Variants in HEMK2 observed in about 807,000 individuals in gnomAD.
The protein encoded by HEMK2 is methyltransferase HEMK2.
the HEMK2 span, among the ~76,000 whole-genome samples, chr21:28,636,665 T>A: frequency 6.6e-6 from 1 of 152,154 alleles, no homozygotes; most frequent in African/African-American, 2.4e-5. Context: ...AAGGAGTACT[T>A]TTTTGTCCGG....
the HEMK2 span, among the ~76,000 whole-genome samples, chr21:28,723,635 G>A: frequency 0.025 from 3,876 of 152,170 alleles, 141 homozygotes; most frequent in African/African-American, 0.088. Flanking sequence ...TTAAGACGTT[G>A]GCCACATTAC....
chr21:28,591,037 T>C, the HEMK2 span, among the ~76,000 whole-genome samples: 3 of 152,190 alleles, frequency 2.0e-5, no homozygotes, highest in African/African-American at 4.8e-5. Context: ...TCCTGCTGAT[T>C]GCAGGGAAGC....
chr21:28,604,413 AAAAAAAG>A, the HEMK2 span, among the ~76,000 whole-genome samples: 1 of 152,096 alleles, frequency 6.6e-6, no homozygotes, highest in Non-Finnish European at 1.5e-5. Context: ...AAAGTATAAT[AAAAAAAG>A]AAAAGAGGAC....
chr21:28,793,588 G>A, the HEMK2 span, among the ~76,000 whole-genome samples: 29,233 of 152,130 alleles, frequency 0.19, 3,215 homozygotes, highest in East Asian at 0.41. Context: ...TAAAACCTTA[G>A]AGGATGCTGT....
At chr21:28,877,452 CAGAA>C in the HEMK2 span, among the ~76,000 whole-genome samples, 1 of 129,892 alleles carries the variant, frequency 7.7e-6, no homozygotes, top group Non-Finnish European at 1.6e-5. Flanking sequence ...GACAGATGGA[CAGAA>C]GGAAGGAAAA....
chr21:28,622,813 C>T, the HEMK2 span, among the ~76,000 whole-genome samples: 2 of 152,124 alleles, frequency 1.3e-5, no homozygotes, highest in Non-Finnish European at 2.9e-5. Flanking sequence ...CCCTTCTTTA[C>T]ACCTTATACA....
At chr21:28,755,489 T>A in the HEMK2 span, among the ~76,000 whole-genome samples, 2 of 152,222 alleles carry the variant, frequency 1.3e-5, no homozygotes, top group Non-Finnish European at 2.9e-5. Context: ...CAACTTATGT[T>A]TCTACCATAG....
the HEMK2 span, among the ~76,000 whole-genome samples, chr21:28,579,958 A>G: frequency 6.6e-6 from 1 of 152,340 alleles, no homozygotes; most frequent in Non-Finnish European, 1.5e-5. Context: ...TTTGACTGAC[A>G]AAGCATAAAA....
the HEMK2 span, among the ~76,000 whole-genome samples, chr21:28,583,203 A>G: frequency 2.6e-5 from 4 of 152,244 alleles, no homozygotes; most frequent in Non-Finnish European, 4.4e-5. Flanking sequence ...TATGAAAGAG[A>G]TATTTTAATG....
At chr21:28,845,272 T>C in the HEMK2 span, among the ~76,000 whole-genome samples, 536 of 152,248 alleles carry the variant, frequency 3.5e-3, 5 homozygotes, top group African/African-American at 0.012. Flanking sequence ...AACTCATCTA[T>C]ACTGGCTTCT....
At chr21:28,797,352 T>C in the HEMK2 span, among the ~76,000 whole-genome samples, 1 of 151,734 alleles carries the variant, frequency 6.6e-6, no homozygotes, top group Non-Finnish European at 1.5e-5. Context: ...TCCCAGAACT[T>C]TGGGAGGCTA....
chr21:28,576,835 C>T, the HEMK2 span, among the ~76,000 whole-genome samples: 4 of 152,214 alleles, frequency 2.6e-5, no homozygotes, highest in South Asian at 2.1e-4. Context: ...CTCCACCTCT[C>T]GAGTAGCTGG....
chr21:28,749,637 G>A, the HEMK2 span, among the ~76,000 whole-genome samples: 6 of 152,176 alleles, frequency 3.9e-5, no homozygotes, highest in East Asian at 1.9e-4. Flanking sequence ...GAACTTGATC[G>A]TCAGAGTATG....
the HEMK2 span, among the ~76,000 whole-genome samples, chr21:28,601,261 C>T: frequency 3.3e-5 from 5 of 152,164 alleles, no homozygotes; most frequent in Non-Finnish European, 5.9e-5. Context: ...CGCAAACCTC[C>T]AAATCTGCCA....
the HEMK2 span, among the ~76,000 whole-genome samples, chr21:28,613,619 C>CT: frequency 1.8e-3 from 146 of 82,702 alleles, 34 homozygotes; most frequent in East Asian, 0.012. Flanking sequence ...TCTGCATATT[C>CT]TTTTTTTTTT....
At chr21:28,755,868 CT>C in the HEMK2 span, among the ~76,000 whole-genome samples, 1 of 152,112 alleles carries the variant, frequency 6.6e-6, no homozygotes, top group Non-Finnish European at 1.5e-5. Flanking sequence ...ACCCAGATGC[CT>C]ATATGCATAT....
the HEMK2 span, among the ~76,000 whole-genome samples, chr21:28,793,700 T>C: frequency 6.6e-6 from 1 of 152,132 alleles, no homozygotes; most frequent in African/African-American, 2.4e-5. Context: ...ATATCATTAT[T>C]ATGTTATGTT....
chr21:28,601,603 C>CCT, the HEMK2 span, among the ~76,000 whole-genome samples: 1 of 97,444 alleles, frequency 1.0e-5, no homozygotes, highest in Admixed American at 1.1e-4. Flanking sequence ...CACCTTCTGA[C>CCT]ATCTCTCTCT....
the HEMK2 span, among the ~76,000 whole-genome samples, chr21:28,791,927 C>G: frequency 6.6e-6 from 1 of 151,980 alleles, no homozygotes; most frequent in Admixed American, 6.6e-5. Context: ...TGCTGATAAA[C>G]CAGGATGCAG....
Sources: gnomAD v4.1 joint callset for allele counts (sites outside exome capture counted in the v4.1 genomes callset) on GRCh38, gnomAD v4.1.1 for gene constraint, MANE v1.5 for transcripts, NCBI Gene and HGNC (gene_info 2026-07-23, HGNC 2026-07-21) for gene names.